ALCAM: variants seen among roughly 807,000 people sequenced by gnomAD.
ALCAM encodes CD166 antigen.
Under a neutral mutation model 70.9 loss-of-function variants are expected in ALCAM, and 30 were observed. The observed-to-expected ratio is 0.42, with a 90% CI of 0.32 to 0.57. ALCAM has a LOEUF of 0.57. ALCAM is among the 20% of genes least tolerant of loss of function. ALCAM has a pLI of 0.11. For missense variants in ALCAM, 591 were observed against 695.1 expected, an observed-to-expected ratio of 0.85 and a Z score of 1.68; for synonymous variants, 249 against 242.5, an observed-to-expected ratio of 1.03 and a Z score of -0.25.
chr3:105,403,561 G>T (rs1303800181), intron 1 of ALCAM, among the ~76,000 whole-genome samples: 1 of 152,082 alleles, frequency 6.6e-6, no homozygotes, highest in African/African-American at 2.4e-5. Context: ...GGAGCACCCT[G>T]TGGGACAAAA....
At chr3:105,450,738 G>T (rs1156903920) in intron 1 of ALCAM, among the ~76,000 whole-genome samples, 3 of 152,086 alleles carry the variant, frequency 2.0e-5, no homozygotes, top group Admixed American at 2.0e-4. Context: ...AATTTGTAGA[G>T]AAAACGAAGA....
intron 1 of ALCAM, among the ~76,000 whole-genome samples, chr3:105,404,030 C>T (rs1286921837): frequency 6.6e-6 from 1 of 150,882 alleles, no homozygotes; most frequent in Non-Finnish European, 1.5e-5. Flanking sequence ...CCCAATCTGT[C>T]AAAAACAAAG....
intron 8 of ALCAM, among the ~76,000 whole-genome samples, chr3:105,543,575 C>T (rs1039473045): frequency 1.3e-4 from 19 of 151,664 alleles, no homozygotes; most frequent in African/African-American, 4.1e-4. Flanking sequence ...GAAGCGCCAA[C>T]CCATTCTTGC....
intron 1 of ALCAM, among the ~76,000 whole-genome samples, chr3:105,498,462 C>A (rs777412624): frequency 6.6e-5 from 10 of 151,936 alleles, no homozygotes; most frequent in Non-Finnish European, 1.3e-4. Flanking sequence ...AGTTTGGTAT[C>A]CTTGACACCA....
intron 1 of ALCAM, among the ~76,000 whole-genome samples, chr3:105,394,334 A>G (rs1288122478): frequency 6.6e-6 from 1 of 151,918 alleles, no homozygotes; most frequent in African/African-American, 2.4e-5. Context: ...GGGACATGCG[A>G]GGGATGAGGG....
At chr3:105,455,405 G>A (rs1937522787) in intron 1 of ALCAM, among the ~76,000 whole-genome samples, 1 of 146,730 alleles carries the variant, frequency 6.8e-6, no homozygotes, top group East Asian at 2.0e-4. Context: ...ATGCGCCACT[G>A]CACTCCAGCC....
rs1935086011 is a variant in ALCAM, at chr3:105,367,339, C to G, written c.-70C>G. ...GGGACCCGCCAGCGCGCGGGCACCG[C>G]GGGGCCCGGGACGACGCCCCCTCCT... On this transcript the variant is annotated 5_prime_UTR_variant, in exon 1 of 16. Transcript: ENST00000306107. The G allele has an allele frequency of 2.6e-6, 4 of 1,550,146 alleles. No individual in the cohort carries two copies. The South Asian group carries it at 3.4e-5, about 13-fold the overall frequency.
chr3:105,445,082 A>C (rs377469264), intron 1 of ALCAM, among the ~76,000 whole-genome samples: 6 of 152,352 alleles, frequency 3.9e-5, no homozygotes, highest in African/African-American at 1.2e-4. Context: ...AATAGCAACA[A>C]GAAAATATTG....
At chr3:105,460,975 T>C (rs1937595386) in intron 1 of ALCAM, among the ~76,000 whole-genome samples, 1 of 150,990 alleles carries the variant, frequency 6.6e-6, no homozygotes, top group African/African-American at 2.4e-5. Context: ...TTCAGGACTT[T>C]TTAGAGATTT....
At chr3:105,499,891 G>A (rs1443107026) in intron 1 of ALCAM, among the ~76,000 whole-genome samples, 1 of 152,170 alleles carries the variant, frequency 6.6e-6, no homozygotes, top group Non-Finnish European at 1.5e-5. Flanking sequence ...GGAATCCTCA[G>A]GGAGAACTGC....
intron 1 of ALCAM, among the ~76,000 whole-genome samples, chr3:105,439,827 T>C (rs776952585): frequency 1.3e-5 from 2 of 152,184 alleles, no homozygotes; most frequent in Non-Finnish European, 2.9e-5. Flanking sequence ...AAAAGTATAG[T>C]CATTTCTTGG....
At chr3:105,494,651 C>T (rs891012468) in intron 1 of ALCAM, among the ~76,000 whole-genome samples, 9 of 146,478 alleles carry the variant, frequency 6.1e-5, no homozygotes, top group Non-Finnish European at 1.2e-4. Flanking sequence ...CCCTTCTTTC[C>T]TTCCTTCCTT....
intron 1 of ALCAM, among the ~76,000 whole-genome samples, chr3:105,519,363 T>C (rs573111678): frequency 1.3e-5 from 2 of 152,152 alleles, no homozygotes; most frequent in South Asian, 4.1e-4. Context: ...TTTCTGTATG[T>C]ACAAAATTGT....
At chr3:105,528,052 G>C (rs1348413831) in intron 3 of ALCAM, among the ~76,000 whole-genome samples, 1 of 152,142 alleles carries the variant, frequency 6.6e-6, no homozygotes, top group Non-Finnish European at 1.5e-5. Flanking sequence ...TTTATGAGGG[G>C]TGATTGCTGA....
chr3:105,571,084 G>T (rs185329270), intron 14 of ALCAM, among the ~76,000 whole-genome samples: 1 of 152,294 alleles, frequency 6.6e-6, no homozygotes, highest in Non-Finnish European at 1.5e-5. Context: ...TAAGAGCCTA[G>T]GCATGGGTAA....
At position 105,383,359 on chromosome 3, in the gene ALCAM, A is replaced by T. The variant is rs572472252; in HGVS notation, c.73+15878A>T. Among the ~76,000 whole-genome samples the T allele has an allele frequency of 5.3e-5, 8 of 151,780 alleles. No homozygotes were observed. In the South Asian group the frequency reaches 1.7e-3, roughly 31 times the overall value. ...GGTACATTTTCGGTACACACCCATGATGATTGAATAAATGCATTAGTCAAA... is the reference window on the plus strand; with the variant it reads ...GGTACATTTTCGGTACACACCCATGTTGATTGAATAAATGCATTAGTCAAA... On this transcript the variant is annotated intron_variant, in intron 1 of 15. Transcript: ENST00000306107.
Position 105,576,337 on chromosome 3 carries a change from T to A in ALCAM, c.*1886T>A, listed in dbSNP as rs1317421752. The A allele has an allele frequency of 1.3e-5, 2 of 152,600 alleles. No homozygotes were observed. The highest frequency in any genetic ancestry group is 2.9e-5 in the Non-Finnish European group (2 of 68,016). The allele number at this position is 152,600 out of a possible 1,614,324, so 9.5% of individuals were successfully genotyped here. On this transcript the variant is annotated 3_prime_UTR_variant, in exon 16 of 16. Coordinates refer to ENST00000306107, the MANE Select transcript of ALCAM (RefSeq NM_001627.4). ...GAATTTTGTTAAAGAAATTCTAAAA[T>A]TTTTAAACACCTGCTCTCCACAATA... is the stretch of plus-strand genomic sequence containing the variant.
intron 2 of ALCAM, among the ~76,000 whole-genome samples, chr3:105,523,296 A>C (rs566991249): frequency 3.1e-4 from 47 of 152,196 alleles, no homozygotes; most frequent in Non-Finnish European, 5.4e-4. Flanking sequence ...ATGACTTAAG[A>C]AGAGGATTTG....
In ALCAM at chr3:105,367,444, C is replaced by T. The variant is rs1576112327; in HGVS notation, c.36C>T (p.Leu12=). The part of the protein sequence containing the change: ...ESKGASSCRL[L]FCLLISATVF... Reference sequence around the variant, plus strand: ...AGGGGGCCAGTTCCTGCCGTCTGCTCTTCTGCCTCTTGATCTCCGCCACCG... The same window carrying T: ...AGGGGGCCAGTTCCTGCCGTCTGCTTTTCTGCCTCTTGATCTCCGCCACCG... The change falls in exon 1 of 16, where the codon CTC becomes CTT. Residue 12 remains leucine (L), a synonymous_variant. Transcript: ENST00000306107. The T allele has an allele frequency of 6.2e-7, 1 of 1,614,038 alleles. No homozygotes were observed.
Sources: allele counts gnomAD v4.1 joint callset (sites outside exome capture counted in the v4.1 genomes callset), GRCh38; gene constraint gnomAD v4.1.1; transcripts MANE v1.5; gene names NCBI Gene and HGNC (gene_info 2026-07-23, HGNC 2026-07-21).